Variants in FUBP1 observed in about 807,000 individuals in gnomAD.
FUBP1 encodes the protein far upstream element-binding protein 1.
In FUBP1, 16 loss-of-function variants were observed where a neutral mutation model predicts 94.9. That is an observed-to-expected ratio of 0.17 (90% confidence interval 0.11 to 0.26). The LOEUF (loss-of-function observed/expected upper bound fraction) is 0.26. FUBP1 is among the 10% of genes least tolerant of loss of function. The probability of loss-of-function intolerance (pLI) is 1.00; values close to 1 mark genes in which losing one functional copy is unlikely to be tolerated. For synonymous variants in FUBP1, 279 were observed against 254.9 expected (o/e 1.09, Z -0.90); for missense variants, 583 against 808.6 (o/e 0.72, Z 3.38).
intron 2 of FUBP1, 30 bp from the exon 3 acceptor site, chr1:77,968,233 G>A: frequency 7.1e-7 from 1 of 1,409,010 alleles, no homozygotes; most frequent in Non-Finnish European, 9.7e-7. Context: ...TTAATTTTTT[G>A]CCAATTAAGT....
chr1:77,947,511 C>A lies in FUBP1; in HGVS notation c.*1255G>T. The stretch of plus-strand genomic sequence containing the variant: ...ATGATACACAGCACAGTCCTCCTCA[C>A]CCCTACAGAGCTAGTTCTATACTGG... On this transcript the variant is annotated 3_prime_UTR_variant, in exon 20 of 20. Coordinates refer to ENST00000370768, the MANE Select transcript of FUBP1 (RefSeq NM_003902.5). The A allele has an allele frequency of 4.5e-6, 6 of 1,345,706 alleles. No homozygotes were observed. Among genetic ancestry groups the A allele is most frequent in the Non-Finnish European group, 4.9e-6 (5 of 1,020,322 alleles). 83.4% of individuals were successfully genotyped at this position (1,345,706 alleles called of 1,614,324 possible).
intron 1 of FUBP1, among the ~76,000 whole-genome samples, chr1:77,974,588 C>T (rs1445462056): frequency 2.0e-5 from 3 of 152,124 alleles, no homozygotes; most frequent in African/African-American, 4.8e-5. Flanking sequence ...TCAAAGACAA[C>T]GTCATAGTTA....
intron 18 of FUBP1, among the ~76,000 whole-genome samples, chr1:77,952,309 G>C (rs1008282661): frequency 6.7e-6 from 1 of 148,848 alleles, no homozygotes; most frequent in Non-Finnish European, 1.5e-5. Flanking sequence ...TGGGAACTTA[G>C]AATTGTTTTG....
intron 18 of FUBP1, among the ~76,000 whole-genome samples, chr1:77,952,081 A>ACTG (rs1391215514): frequency 6.6e-6 from 1 of 151,996 alleles, no homozygotes; most frequent in Non-Finnish European, 1.5e-5. Context: ...ACCCATCTTT[A>ACTG]CTGCTGTTCC....
At position 77,947,231 on chromosome 1, in the gene FUBP1, T is replaced by C. The variant is rs763056316; in HGVS notation, c.*1535A>G. The stretch of plus-strand genomic sequence containing the variant: ...GTTAAGTATCAGTTTTCTTTAGCTA[T>C]AGCTAAAGCATATAAAAAATACTTA... On this transcript the variant is annotated 3_prime_UTR_variant, in exon 20 of 20. Coordinates refer to ENST00000370768, the MANE Select transcript of FUBP1 (RefSeq NM_003902.5). 8.5e-5 allele frequency: 22 copies of C among 258,124 alleles called. 1 individual carries two copies. The highest frequency in any genetic ancestry group is 1.5e-4 in the Non-Finnish European group (20 of 130,936). The allele number at this position is 258,124 out of a possible 1,614,324, so 16.0% of individuals were successfully genotyped here.
intron 18 of FUBP1, among the ~76,000 whole-genome samples, chr1:77,951,821 A>G (rs776869537): frequency 2.0e-5 from 3 of 152,026 alleles, no homozygotes; most frequent in Non-Finnish European, 2.9e-5. Flanking sequence ...AGATTTTCAC[A>G]CTCAGTTGTC....
chr1:77,964,832 A>G, intron 9 of FUBP1, 38 bp downstream of exon 9: 1 of 1,509,416 alleles, frequency 6.6e-7, no homozygotes, highest in East Asian at 2.3e-5. Flanking sequence ...ACCCCATTCA[A>G]CCCACTCTTT....
At chr1:77,978,862 T>A (rs1404596285) in intron 1 of FUBP1, 23 bp downstream of exon 1, 2 of 1,613,452 alleles carry the variant, frequency 1.2e-6, no homozygotes, top group Non-Finnish European at 1.7e-6. Context: ...CTTTCGGGAT[T>A]CCGCCGCGCG....
intron 16 of FUBP1, among the ~76,000 whole-genome samples, chr1:77,957,319 A>C (rs1654642614): frequency 6.6e-6 from 1 of 152,182 alleles, no homozygotes; most frequent in Non-Finnish European, 1.5e-5. Context: ...AACAGCCTGA[A>C]GCCCCTGGCT....
chr1:77,966,126 G>C (rs1489130770), intron 7 of FUBP1, among the ~76,000 whole-genome samples: 1 of 152,222 alleles, frequency 6.6e-6, no homozygotes, highest in South Asian at 2.1e-4. Context: ...TTAGGCACTC[G>C]AACACAAAAG....
chr1:77,966,595 AC>A (rs1241747990), intron 7 of FUBP1, 98 bp downstream of exon 7: 2 of 711,412 alleles, frequency 2.8e-6, no homozygotes, highest in African/African-American at 3.5e-5. Context: ...TGGCAGCGAA[AC>A]CACAGTGTAA....
chr1:77,968,999 A>T, intron 2 of FUBP1: 1 of 943,100 alleles, frequency 1.1e-6, no homozygotes. Context: ...TACTGAACAC[A>T]GGTAATAAAT....
rs755115150 is a variant in FUBP1, at chr1:77,978,964, G to A, written c.41C>T (p.Ser14Leu). ...YSTVPPPSSG[S>L]AGGGGGGGGG... Reference sequence around the variant, plus strand: ...ACCGCCGCCACCACCGCCACCAGCTGAGCCAGAAGAGGGGGGAGGCACTGT... The same window carrying A: ...ACCGCCGCCACCACCGCCACCAGCTAAGCCAGAAGAGGGGGGAGGCACTGT... Residue 14 changes from serine to leucine, a missense_variant, in exon 1 of 20, where the codon TCA (serine) becomes TTA (leucine). Physicochemically the swap from Ser to Leu is moderately radical, Grantham distance 145. Coordinates refer to ENST00000370768, the MANE Select transcript of FUBP1 (RefSeq NM_003902.5). The A allele has an allele frequency of 5.0e-6, 8 of 1,613,608 alleles. No individual in the cohort carries two copies. The highest frequency in any genetic ancestry group is 6.8e-6 in the Non-Finnish European group (8 of 1,179,732).
upstream of FUBP1, chr1:77,979,153 C>T (rs1659361032): frequency 9.0e-6 from 7 of 781,540 alleles, no homozygotes; most frequent in African/African-American, 3.5e-5. Flanking sequence ...GGAACAAAAT[C>T]TCGCGATGTT....
intron 1 of FUBP1, among the ~76,000 whole-genome samples, chr1:77,977,810 C>G (rs758482019): frequency 1.3e-5 from 2 of 152,166 alleles, no homozygotes; most frequent in Non-Finnish European, 2.9e-5. Flanking sequence ...TAAAAAAGTA[C>G]AGGTACATGT....
Position 77,966,966 on chromosome 1 carries a change from A to T in FUBP1, c.344-11T>A. Reference sequence around the variant, plus strand: ...CTCCTCTGCCAATTACTAGTTAGAAAAAAAAAAATTTTTTTTTTGGTTGAA... The same window carrying T: ...CTCCTCTGCCAATTACTAGTTAGAATAAAAAAAATTTTTTTTTTGGTTGAA... On this transcript the variant is annotated splice_polypyrimidine_tract_variant and intron_variant, in intron 5 of 19. Coordinates refer to ENST00000370768, the MANE Select transcript of FUBP1 (RefSeq NM_003902.5). The T allele has an allele frequency of 6.3e-7, 1 of 1,594,502 alleles. No individual in the cohort carries two copies. Among genetic ancestry groups the T allele is most frequent in the Non-Finnish European group, 8.6e-7 (1 of 1,167,300 alleles).
intron 16 of FUBP1, among the ~76,000 whole-genome samples, chr1:77,956,921 T>A (rs1318143095): frequency 6.6e-6 from 1 of 152,222 alleles, no homozygotes; most frequent in Non-Finnish European, 1.5e-5. Context: ...GTGACTTTCC[T>A]AGGTTAAAAA....
intron 16 of FUBP1, among the ~76,000 whole-genome samples, chr1:77,958,647 C>CA (rs1654912256): frequency 6.6e-6 from 1 of 152,222 alleles, no homozygotes; most frequent in Non-Finnish European, 1.5e-5. Context: ...CCAGCTCTTA[C>CA]AGTAGTGACT....
chr1:77,954,736 G>A (rs1189781030), intron 18 of FUBP1, among the ~76,000 whole-genome samples: 1 of 152,142 alleles, frequency 6.6e-6, no homozygotes, highest in Non-Finnish European at 1.5e-5. Flanking sequence ...AAGAGCAAAA[G>A]CAGCTGAAAT....
Sources: gnomAD v4.1 joint callset for allele counts (sites outside exome capture counted in the v4.1 genomes callset) on GRCh38, gnomAD v4.1.1 for gene constraint, MANE v1.5 for transcripts, NCBI Gene and HGNC (gene_info 2026-07-23, HGNC 2026-07-21) for gene names.